Variants in NRXN1 observed in about 807,000 individuals in gnomAD.
The protein encoded by NRXN1 is neurexin 1, also known as neurexin-1.
NRXN1 carries 39 observed loss-of-function variants against 150.9 expected under a neutral mutation model. That is an observed-to-expected ratio of 0.26 (90% CI 0.20 to 0.34). The LOEUF is 0.34. Among genes scored for constraint, NRXN1 ranks in the 10% least tolerant of loss-of-function variants. The pLI, the probability that NRXN1 is intolerant of heterozygous loss-of-function variation, is 1.00. For synonymous variants in NRXN1, 924 were observed against 757.0 expected (o/e 1.22, Z -3.62); for missense variants, 1,815 against 1,949.9 (o/e 0.93, Z 1.30).
intron 2 of NRXN1, among the ~76,000 whole-genome samples, chr2:51,023,866 A>T (rs1280756625): frequency 6.6e-6 from 1 of 152,186 alleles, no homozygotes; most frequent in African/African-American, 2.4e-5. Context: ...CTTAAGTCAC[A>T]TGTATCATAC....
chr2:50,294,020 T>A (rs1190403117), intron 17 of NRXN1, among the ~76,000 whole-genome samples: 2 of 152,200 alleles, frequency 1.3e-5, no homozygotes, highest in Admixed American at 6.5e-5. Flanking sequence ...GAGCAGAGAA[T>A]TCTAAAACTG....
chr2:50,229,764 G>T (rs1037876618), intron 18 of NRXN1, among the ~76,000 whole-genome samples: 1 of 151,998 alleles, frequency 6.6e-6, no homozygotes, highest in Non-Finnish European at 1.5e-5. Flanking sequence ...TGCATTATAG[G>T]TGATCAAAAA....
At chr2:50,733,326 T>A (rs181728789) in intron 5 of NRXN1, among the ~76,000 whole-genome samples, 53 of 152,296 alleles carry the variant, frequency 3.5e-4, no homozygotes, top group Non-Finnish European at 6.3e-4. Context: ...GGGAAATATT[T>A]TTTTTATTGC....
chr2:50,057,438 TG>T (rs1410328600), intron 19 of NRXN1, among the ~76,000 whole-genome samples: 6 of 152,354 alleles, frequency 3.9e-5, no homozygotes, highest in African/African-American at 1.4e-4. Context: ...TATTCCCTGA[TG>T]TCATCAGGTT....
At chr2:50,650,271 T>C (rs1438114555) in intron 5 of NRXN1, among the ~76,000 whole-genome samples, 1 of 152,042 alleles carries the variant, frequency 6.6e-6, no homozygotes, top group Non-Finnish European at 1.5e-5. Flanking sequence ...TGCCTTTATA[T>C]ACATGATAAA....
At chr2:50,523,774 T>C (rs2092863809) in intron 12 of NRXN1, among the ~76,000 whole-genome samples, 2 of 152,194 alleles carry the variant, frequency 1.3e-5, no homozygotes, top group South Asian at 4.1e-4. Context: ...CGAGGTCAAG[T>C]ACTTGTCCTT....
chr2:50,239,993 C>G (rs1469648873), intron 17 of NRXN1, among the ~76,000 whole-genome samples: 1 of 151,284 alleles, frequency 6.6e-6, no homozygotes, highest in Admixed American at 6.6e-5. Context: ...ATGAAAGTTT[C>G]TAGCACAATT....
chr2:50,395,492 G>A (rs1367928843), intron 17 of NRXN1, among the ~76,000 whole-genome samples: 1 of 151,748 alleles, frequency 6.6e-6, no homozygotes, highest in Non-Finnish European at 1.5e-5. Flanking sequence ...GTATATATCA[G>A]CTCTAGGAAA....
intron 5 of NRXN1, among the ~76,000 whole-genome samples, chr2:50,729,689 A>T (rs1697845391): frequency 6.6e-6 from 1 of 152,190 alleles, no homozygotes; most frequent in African/African-American, 2.4e-5. Context: ...CCCTCTCAGC[A>T]CAAAGAACAG....
chr2:50,314,850 G>C (rs534026591), intron 17 of NRXN1, among the ~76,000 whole-genome samples: 42 of 152,008 alleles, frequency 2.8e-4, no homozygotes, highest in Non-Finnish European at 5.2e-4. Flanking sequence ...GGGGTGTTTG[G>C]AGCAATTTTT....
chr2:50,103,024 A>T (rs1016603600), intron 18 of NRXN1, among the ~76,000 whole-genome samples: 2 of 152,122 alleles, frequency 1.3e-5, no homozygotes, highest in Non-Finnish European at 2.9e-5. Context: ...ATCAGAGAAC[A>T]GAAAATTGTT....
chr2:50,833,089 A>AAAATGCAAAATAACACCACAATG, intron 5 of NRXN1, among the ~76,000 whole-genome samples: 1 of 152,356 alleles, frequency 6.6e-6, no homozygotes, highest in East Asian at 1.9e-4. Flanking sequence ...AGTCATCAGC[A>AAAATGCAAAATAACACCACAATG]AAATGCAAAA....
chr2:50,616,880 C>T (rs896185452), intron 8 of NRXN1, among the ~76,000 whole-genome samples: 1 of 152,176 alleles, frequency 6.6e-6, no homozygotes, highest in Non-Finnish European at 1.5e-5. Flanking sequence ...TTTACACATG[C>T]AGTGTGCTAT....
At position 50,373,679 on chromosome 2, in the gene NRXN1, A is replaced by AAAGAAAGAAAG. The variant is rs1553513456; in HGVS notation, c.3364+91762_3364+91763insCTTTCTTTCTT. ...GAAAGAAAGAAAGAAAGAAAGAAAG[A>AAAGAAAGAAAG]AAAGAAAGAAGGAAAGAAAGAAAGA... On this transcript the variant is annotated intron_variant, in intron 17 of 22. Coordinates refer to ENST00000401669, the MANE Select transcript of NRXN1 (RefSeq NM_001330078.2). 1.3e-3 allele frequency among the ~76,000 whole-genome samples: 88 copies of AAAGAAAGAAAG among 65,636 alleles called. 1 individual carries two copies. Among genetic ancestry groups the AAAGAAAGAAAG allele is most frequent in the African/African-American group, 4.5e-3 (74 of 16,624 alleles). The allele number at this position is 65,636 out of a possible 152,430, so 43.1% of individuals were successfully genotyped here. A position where few individuals can be genotyped will look rare whatever the true frequency, so the allele number is the denominator to read the frequency against.
intron 8 of NRXN1, among the ~76,000 whole-genome samples, chr2:50,586,772 G>A (rs1399267636): frequency 2.0e-5 from 3 of 152,118 alleles, no homozygotes; most frequent in Admixed American, 6.6e-5. Context: ...CTCAACAGTT[G>A]TTGAAACCAA....
intron 15 of NRXN1, among the ~76,000 whole-genome samples, chr2:50,480,261 G>A (rs1224551088): frequency 6.6e-6 from 1 of 152,184 alleles, no homozygotes; most frequent in Non-Finnish European, 1.5e-5. Context: ...TGTAGAAACA[G>A]TTTGGAGTAT....
At chr2:50,634,098 T>C (rs1243484390) in intron 5 of NRXN1, among the ~76,000 whole-genome samples, 2 of 152,202 alleles carry the variant, frequency 1.3e-5, no homozygotes, top group Non-Finnish European at 2.9e-5. Flanking sequence ...GATGGGGCTA[T>C]GTCATGTAAG....
At chr2:50,460,365 G>T (rs1273487386) in intron 17 of NRXN1, among the ~76,000 whole-genome samples, 1 of 152,096 alleles carries the variant, frequency 6.6e-6, no homozygotes, top group Non-Finnish European at 1.5e-5. Flanking sequence ...AGAATTCACA[G>T]ACTAAAAGGC....
chr2:50,509,598 G>A (rs2092373464), intron 12 of NRXN1, among the ~76,000 whole-genome samples: 5 of 152,148 alleles, frequency 3.3e-5, no homozygotes, highest in Admixed American at 3.3e-4. Context: ...CTTTCTCACA[G>A]AATTTAACAT....
Sources: gnomAD v4.1 joint callset for allele counts (sites outside exome capture counted in the v4.1 genomes callset) on GRCh38, gnomAD v4.1.1 for gene constraint, MANE v1.5 for transcripts, NCBI Gene and HGNC (gene_info 2026-07-23, HGNC 2026-07-21) for gene names.